C18orf63: variants seen among roughly 807,000 people sequenced by gnomAD.
C18orf63 encodes chromosome 18 open reading frame 63.
In C18orf63, 50 loss-of-function variants were observed where a neutral mutation model predicts 75.3. The ratio of observed to expected loss-of-function variants is 0.66; its 90% CI spans 0.53 to 0.84. The LOEUF is 0.84. C18orf63 is among the 40% of genes least tolerant of loss of function. C18orf63 has a pLI of 0.00. For missense variants in C18orf63, 732 were observed against 800.2 expected (o/e 0.91, Z 1.03); for synonymous variants, 232 against 267.6 (o/e 0.87, Z 1.30).
chr18:74,317,645 C>G (rs1984048018), intron 1 of C18orf63, among the ~76,000 whole-genome samples, 189 bp from the exon 2 acceptor site: 1 of 151,944 alleles, frequency 6.6e-6, no homozygotes, highest in African/African-American at 2.4e-5. Flanking sequence ...AAACTTGTAC[C>G]AAAAATCCTA....
intron 5 of C18orf63, 24 bp downstream of exon 5, chr18:74,328,082 G>A: frequency 7.5e-7 from 1 of 1,336,740 alleles, no homozygotes; most frequent in Non-Finnish European, 1.0e-6. Context: ...TTTAGTCATT[G>A]GGGCTTTCTG....
intron 7 of C18orf63, among the ~76,000 whole-genome samples, chr18:74,336,554 TG>T (rs1984395154): frequency 6.6e-6 from 1 of 152,104 alleles, no homozygotes; most frequent in East Asian, 1.9e-4. Context: ...TAAATGTTGC[TG>T]TTTCTTAGGG....
At position 74,329,050 on chromosome 18, in the gene C18orf63, C is replaced by A. The variant is rs1393362440; in HGVS notation, c.424+14C>A. The A allele has an allele frequency of 1.4e-6, 2 of 1,447,370 alleles. No homozygotes were observed. Among genetic ancestry groups the A allele is most frequent in the Non-Finnish European group, 1.9e-6 (2 of 1,066,568 alleles). The allele number at this position is 1,447,370 out of a possible 1,614,324, so 89.7% of individuals were successfully genotyped here. ...AAAGTGCTGTTGGTAAGTAAAAATG[C>A]ATAAGTCAATAGATAAAACAATATA... is the stretch of plus-strand genomic sequence containing the variant. On this transcript the variant is annotated intron_variant, in intron 6 of 13. Coordinates refer to ENST00000579455, the MANE Select transcript of C18orf63 (RefSeq NM_001174123.2).
chr18:74,351,415 A>G (rs943719725), intron 11 of C18orf63, among the ~76,000 whole-genome samples: 3 of 152,146 alleles, frequency 2.0e-5, no homozygotes, highest in Admixed American at 1.3e-4. Context: ...CTAGGTCTTT[A>G]GGAGAAACAG....
chr18:74,324,245 T>C (rs1458105756), intron 4 of C18orf63, among the ~76,000 whole-genome samples: 1 of 152,216 alleles, frequency 6.6e-6, no homozygotes, highest in Non-Finnish European at 1.5e-5. Context: ...TTTGCAAACA[T>C]TTATTCCTTG....
chr18:74,357,695 C>T lies in C18orf63; in HGVS notation c.*1248C>T, dbSNP rs373283834. ...AAAAGTAAACAAACTCTCCTTCAAA[C>T]GTTAAATGTTAACTCCTGCTCCTGA... is the stretch of plus-strand genomic sequence containing the variant. On this transcript the variant is annotated 3_prime_UTR_variant, in exon 14 of 14. Transcript: ENST00000579455. 3.9e-5 allele frequency: 6 copies of T among 152,222 alleles called. No individual in the cohort carries two copies. The highest frequency in any genetic ancestry group is 1.9e-4 in the East Asian group (1 of 5,182). 9.4% of individuals were successfully genotyped at this position (152,222 alleles called of 1,614,324 possible). A position where few individuals can be genotyped will look rare whatever the true frequency, so the allele number is the denominator to read the frequency against.
chr18:74,334,357 G>A (rs747242195), intron 7 of C18orf63, among the ~76,000 whole-genome samples: 6 of 151,930 alleles, frequency 3.9e-5, no homozygotes, highest in Non-Finnish European at 5.9e-5. Context: ...TAGGCAATGA[G>A]GCAAATGGTT....
At chr18:74,330,815 A>G (rs1984291986) in intron 6 of C18orf63, 51 bp from the exon 7 acceptor site, 2 of 677,200 alleles carry the variant, frequency 3.0e-6, no homozygotes, top group Non-Finnish European at 4.8e-6. Context: ...ACTTAATTTA[A>G]TAGTAGAGTA....
At chr18:74,323,950 T>C (rs1179805120) in intron 4 of C18orf63, among the ~76,000 whole-genome samples, 3 of 152,182 alleles carry the variant, frequency 2.0e-5, no homozygotes, top group African/African-American at 7.2e-5. Context: ...GTGTTTGCCC[T>C]GCAATGGAAT....
At chr18:74,324,960 G>A (rs1352129258) in intron 4 of C18orf63, among the ~76,000 whole-genome samples, 1 of 152,066 alleles carries the variant, frequency 6.6e-6, no homozygotes, top group Admixed American at 6.6e-5. Context: ...GTTATGCTCA[G>A]TTTTTCTTTA....
rs1984144855 is a variant in C18orf63, at chr18:74,322,738, A to G, written c.254A>G (p.Glu85Gly). 4.5e-6 allele frequency: 6 copies of G among 1,343,928 alleles called. No homozygotes were observed. Among genetic ancestry groups the G allele is most frequent in the Non-Finnish European group, 6.0e-6 (6 of 991,986 alleles). 83.3% of individuals were successfully genotyped at this position (1,343,928 alleles called of 1,614,324 possible). Reference sequence around the variant, plus strand: ...GCAAGAAAACTTAATGCCTATGTTGAAAAATATGGAGCTAAGGTAAGTGTT... The same window carrying G: ...GCAAGAAAACTTAATGCCTATGTTGGAAAATATGGAGCTAAGGTAAGTGTT... Reference protein sequence around the residue: ...YKARKLNAYVEKYGAKMEAPQ... With the variant: ...YKARKLNAYVGKYGAKMEAPQ... Residue 85 changes from glutamate (E) to glycine (G), a missense_variant, in exon 4 of 14, where the codon GAA becomes GGA. Glu to Gly is a moderately conservative substitution (Grantham distance 98). Coordinates refer to ENST00000579455, the MANE Select transcript of C18orf63 (RefSeq NM_001174123.2).
chr18:74,336,621 C>T (rs188233091), intron 7 of C18orf63, among the ~76,000 whole-genome samples: 74 of 152,164 alleles, frequency 4.9e-4, no homozygotes, highest in African/African-American at 1.7e-3. Context: ...TAGCTTCAGC[C>T]TATACACCAG....
At chr18:74,324,645 GA>G (rs1039832887) in intron 4 of C18orf63, among the ~76,000 whole-genome samples, 15 of 152,024 alleles carry the variant, frequency 9.9e-5, no homozygotes, top group African/African-American at 3.6e-4. Context: ...TACTTTACAA[GA>G]AAAAATGAAA....
At chr18:74,329,352 TG>T (rs1438847782) in intron 6 of C18orf63, among the ~76,000 whole-genome samples, 2 of 131,664 alleles carry the variant, frequency 1.5e-5, no homozygotes, top group African/African-American at 5.9e-5. Context: ...CCAGCCTGGG[TG>T]ACAGAGCAAG....
chr18:74,348,515 T>C (rs933287611), intron 11 of C18orf63, among the ~76,000 whole-genome samples: 1 of 149,498 alleles, frequency 6.7e-6, no homozygotes, highest in Non-Finnish European at 1.5e-5. Flanking sequence ...ATATTAAGCT[T>C]CTGTGAAATA....
chr18:74,328,069 CT>C lies in C18orf63; in HGVS notation c.382+16del. Reference sequence around the variant, plus strand: ...ATCTCTTGATACAAGGTAACTTTATCTTTTTAGTCATTGGGGCTTTCTGAAC... The same window carrying C: ...ATCTCTTGATACAAGGTAACTTTATCTTTTAGTCATTGGGGCTTTCTGAAC... On this transcript the variant is annotated intron_variant, in intron 5 of 13. Transcript: ENST00000579455. The C allele has an allele frequency of 1.4e-6, 2 of 1,455,916 alleles. No homozygotes were observed. Among genetic ancestry groups the C allele is most frequent in the Non-Finnish European group, 1.9e-6 (2 of 1,073,946 alleles). 90.2% of individuals were successfully genotyped at this position (1,455,916 alleles called of 1,614,324 possible).
intron 7 of C18orf63, among the ~76,000 whole-genome samples, chr18:74,336,042 G>A (rs1403293518): frequency 2.0e-5 from 3 of 152,146 alleles, no homozygotes; most frequent in Non-Finnish European, 2.9e-5. Context: ...AGTACATTAA[G>A]GGCCTAGCAT....
intron 11 of C18orf63, among the ~76,000 whole-genome samples, chr18:74,347,187 CTT>C (rs745365710): frequency 1.3e-5 from 2 of 152,128 alleles, no homozygotes; most frequent in Admixed American, 1.3e-4. Context: ...AATGATAAAA[CTT>C]GTCGCAGATT....
At chr18:74,354,651 C>A (rs770029361) in intron 13 of C18orf63, 105 bp downstream of exon 13, 5 of 595,828 alleles carry the variant, frequency 8.4e-6, no homozygotes, top group Non-Finnish European at 1.5e-5. Flanking sequence ...CTTTTAAATT[C>A]TTTGAAACCG....
Sources: gnomAD v4.1 joint callset for allele counts (sites outside exome capture counted in the v4.1 genomes callset) on GRCh38, gnomAD v4.1.1 for gene constraint, MANE v1.5 for transcripts, NCBI Gene and HGNC (gene_info 2026-07-23, HGNC 2026-07-21) for gene names.